Variants in APBA3 observed in about 807,000 individuals in gnomAD.
The protein encoded by APBA3 is amyloid beta precursor protein binding family A member 3.
In APBA3, 45 loss-of-function variants were observed where a neutral mutation model predicts 55.9. The observed-to-expected ratio is 0.80, with a 90% confidence interval of 0.63 to 1.03. The LOEUF (loss-of-function observed/expected upper bound fraction) is 1.03, where lower values mean the gene tolerates loss of function less well. APBA3 is among the 50% of genes least tolerant of loss of function. The pLI is 0.00. For missense variants in APBA3, 865 were observed against 820.3 expected (o/e 1.05, Z -0.67); for synonymous variants, 370 against 353.3 (o/e 1.05, Z -0.53).
chr19:3,759,084 C>T (rs946745099), intron 3 of APBA3, among the ~76,000 whole-genome samples: 1 of 151,992 alleles, frequency 6.6e-6, no homozygotes, highest in East Asian at 1.9e-4. Flanking sequence ...ATAAAATTAG[C>T]TGGGCGTGGT....
intron 3 of APBA3, 69 bp from the exon 4 acceptor site, chr19:3,754,409 C>T: frequency 6.6e-7 from 1 of 1,507,010 alleles, no homozygotes; most frequent in South Asian, 1.3e-5. Flanking sequence ...CAGGGCTACG[C>T]TCTCCGAGAT....
intron 6 of APBA3, chr19:3,753,313 C>G: frequency 2.2e-6 from 1 of 444,450 alleles, no homozygotes. Context: ...AGCCCAGGAG[C>G]GGGCAAGGTT....
chr19:3,753,954 G>T (rs1283536673), intron 5 of APBA3, 28 bp from the exon 6 acceptor site: 11 of 1,560,914 alleles, frequency 7.0e-6, no homozygotes, highest in African/African-American at 1.4e-5. Flanking sequence ...GCCTGGGTGG[G>T]TTGGGGGGCC....
chr19:3,751,173 C>G lies in APBA3; in HGVS notation c.1656+16G>C. On this transcript the variant is annotated intron_variant, in intron 10 of 10. Coordinates refer to ENST00000316757, the MANE Select transcript of APBA3 (RefSeq NM_004886.4). The stretch of plus-strand genomic sequence containing the variant: ...GACGTGGGGGCGCCCCTGGCCACCA[C>G]CCACCACCCGCACACCTCGCCATAG... The G allele has an allele frequency of 6.4e-7, 1 of 1,553,228 alleles. No homozygotes were observed.
In APBA3 at chr19:3,750,968, G is replaced by A; in HGVS notation, c.*58C>T. 1.3e-6 allele frequency: 2 copies of A among 1,526,184 alleles called. No individual in the cohort carries two copies. The highest frequency in any genetic ancestry group is 8.9e-7 in the Non-Finnish European group (1 of 1,123,834). The allele number at this position is 1,526,184 out of a possible 1,614,324, so 94.5% of individuals were successfully genotyped here. A position where few individuals can be genotyped will look rare whatever the true frequency, so the allele number is the denominator to read the frequency against. On this transcript the variant is annotated 3_prime_UTR_variant, in exon 11 of 11. Transcript: ENST00000316757. The stretch of plus-strand genomic sequence containing the variant: ...GTCCTGGCCAGCCAGGGCAGGCCCA[G>A]GATGGGGCTCCGGGGCCATGGAGGC...
chr19:3,752,571 C>A lies in APBA3; in HGVS notation c.1332G>T (p.Leu444=). The A allele has an allele frequency of 6.3e-7, 1 of 1,588,470 alleles. No individual in the cohort carries two copies. The highest frequency in any genetic ancestry group is 8.5e-7 in the Non-Finnish European group (1 of 1,172,322). Residue 444 remains leucine, a synonymous_variant, in exon 8 of 11, where the codon CTG becomes CTT. Coordinates refer to ENST00000316757, the MANE Select transcript of APBA3 (RefSeq NM_004886.4). The part of the protein sequence containing the change: ...RSGALSIGDR[L]TAINGTSLVG... ...CCAGGCTGGTCCCGTTGATGGCGGT[C>A]AGGCGGTCCCCGATGCTGAGGGCCC...
rs201261237 is a variant in APBA3 at position 3,750,983 on chromosome 19, G to A, written c.*43C>T. 108 of 1,543,984 alleles carry A rather than the reference G, an allele frequency of 7.0e-5. No individual in the cohort carries two copies. The East Asian group carries it at 2.5e-3, about 36-fold the overall frequency. On this transcript the variant is annotated 3_prime_UTR_variant, in exon 11 of 11. Coordinates refer to ENST00000316757, the MANE Select transcript of APBA3 (RefSeq NM_004886.4). ...GGCAGGCCCAGGATGGGGCTCCGGG[G>A]CCATGGAGGCGAAGGCACAGTGGCA...
chr19:3,751,106 T>C lies in APBA3; in HGVS notation c.1657-9A>G, dbSNP rs779924005. The C allele has an allele frequency of 6.4e-7, 1 of 1,565,268 alleles. No homozygotes were observed. The highest frequency in any genetic ancestry group is 8.7e-7 in the Non-Finnish European group (1 of 1,154,906). On this transcript the variant is annotated splice_polypyrimidine_tract_variant and intron_variant, in intron 10 of 10. Coordinates refer to ENST00000316757, the MANE Select transcript of APBA3 (RefSeq NM_004886.4). ...ATCGTCTTGATATGCACCTGGGGAG[T>C]GGAGGCGGAACGGGGCTCAGGGCAG...
Position 3,759,781 on chromosome 19 carries a change from G to A in APBA3, c.484C>T (p.Gln162Ter), listed in dbSNP as rs1286581167. The stretch of plus-strand genomic sequence containing the variant: ...CTGCTTGAGCTCCTGCTGCCCTCCT[G>A]CTCAGCAGAGGCCCCCTCCACCCAT... Reference protein sequence around the residue: ...PEWVEGASAEQEGSRSSSSSP... With the variant: ...PEWVEGASAE The change falls in exon 2 of 11, where the codon CAG (glutamine) becomes TAG (stop). Residue 162 changes from glutamine to a stop codon, truncating the protein, a stop_gained. Transcript: ENST00000316757. LOFTEE classifies it high-confidence loss of function. The A allele has an allele frequency of 6.2e-7, 1 of 1,612,620 alleles. No individual in the cohort carries two copies. The highest frequency in any genetic ancestry group is 2.2e-5 in the East Asian group (1 of 44,890).
rs1346014760 is a variant in APBA3, at chr19:3,759,866, C to G, written c.399G>C (p.Glu133Asp). 8 of 1,612,420 alleles carry G rather than the reference C, an allele frequency of 5.0e-6. No individual in the cohort carries two copies. The highest frequency in any genetic ancestry group is 5.9e-6 in the Non-Finnish European group (7 of 1,179,834). Residue 133 changes from glutamate (E) to aspartate (D), a missense_variant, in exon 2 of 11, where the codon GAG (glutamate) becomes GAC (aspartate). Physicochemically the swap from Glu to Asp is conservative, Grantham distance 45. Coordinates refer to ENST00000316757, the MANE Select transcript of APBA3 (RefSeq NM_004886.4). Reference sequence around the variant, plus strand: ...GGGGCTGCAACAGTCGGGGGGCAGGCTCTAGAGGCTCTTCAGGACCAGTCT... The same window carrying G: ...GGGGCTGCAACAGTCGGGGGGCAGGGTCTAGAGGCTCTTCAGGACCAGTCT... ...PSQTGPEEPL[E>D]PAPRLLQPPE...
chr19:3,759,435 C>T (rs2037116534), intron 3 of APBA3, 126 bp downstream of exon 3: 9 of 989,294 alleles, frequency 9.1e-6, no homozygotes, highest in African/African-American at 4.9e-5. Context: ...GGAATCTGCT[C>T]GAAACCACCC....
chr19:3,751,428 C>A lies in APBA3; in HGVS notation c.1515+6G>T, dbSNP rs1244453194. ...CCCACCCCGGGGCCAGGGGCCGGGGCCTCACGATGCCGTCCTCCACGCAGA... is the reference window on the plus strand; with the variant it reads ...CCCACCCCGGGGCCAGGGGCCGGGGACTCACGATGCCGTCCTCCACGCAGA... On this transcript the variant is annotated splice_donor_region_variant and intron_variant, in intron 9 of 10. Coordinates refer to ENST00000316757, the MANE Select transcript of APBA3 (RefSeq NM_004886.4). The A allele has an allele frequency of 2.6e-6, 4 of 1,527,328 alleles. No homozygotes were observed. Among genetic ancestry groups the A allele is most frequent in the Non-Finnish European group, 2.6e-6 (3 of 1,141,552 alleles). 94.6% of individuals were successfully genotyped at this position (1,527,328 alleles called of 1,614,324 possible).
chr19:3,751,534 G>A lies in APBA3; in HGVS notation c.1415C>T (p.Ser472Leu), dbSNP rs1019296459. 21 of 1,589,832 alleles carry A rather than the reference G, an allele frequency of 1.3e-5. No individual in the cohort carries two copies. The highest frequency in any genetic ancestry group is 4.6e-5 in the East Asian group (2 of 43,838). ...GCAGTGGACGATGCTGAGTGTCACC[G>A]ACGTCTGCGACTTCGTCTCCTGTGG... ...AAVRETKSQT[S>L]VTLSIVHCPP... is the part of the protein sequence containing the mutation. The change falls in exon 9 of 11, where the codon TCG becomes TTG. Residue 472 changes from serine (S) to leucine (L), a missense_variant. By Grantham distance (145) the Ser-to-Leu change is moderately radical. Coordinates refer to ENST00000316757, the MANE Select transcript of APBA3 (RefSeq NM_004886.4).
At position 3,760,064 on chromosome 19, in the gene APBA3, C is replaced by T; in HGVS notation, c.201G>A (p.Leu67=). Residue 67 remains leucine (L), a synonymous_variant, in exon 2 of 11, where the codon CTG becomes CTA. Coordinates refer to ENST00000316757, the MANE Select transcript of APBA3 (RefSeq NM_004886.4). The part of the protein sequence containing the change: ...LQELVQQFEA[L]PGDLVGPSPG... The stretch of plus-strand genomic sequence containing the variant: ...GGGATGGGCCCACCAGATCGCCTGG[C>T]AGAGCTTCAAACTGCTGCACCAGCT... 2 of 1,613,328 alleles carry T rather than the reference C, an allele frequency of 1.2e-6. No homozygotes were observed. The highest frequency in any genetic ancestry group is 1.7e-6 in the Non-Finnish European group (2 of 1,180,020).
At chr19:3,759,438 A>C in intron 3 of APBA3, 123 bp downstream of exon 3, 1 of 1,013,682 alleles carries the variant, frequency 9.9e-7, no homozygotes. Context: ...ATCTGCTCGA[A>C]ACCACCCTCA....
At position 3,751,038 on chromosome 19, in the gene APBA3, G is replaced by A. The variant is rs748398582; in HGVS notation, c.1716C>T (p.Pro572=). Residue 572 remains proline, a synonymous_variant, in exon 11 of 11, where the codon CCC becomes CCT. Coordinates refer to ENST00000316757, the MANE Select transcript of APBA3 (RefSeq NM_004886.4). ...TYRLLTGQEQ[P]VYL is the part of the protein sequence containing the mutation. ...AGGGATGAGGTGGTCACAGGTACAC[G>A]GGCTGCTCCTGGCCTGTAAGGAGGC... is the stretch of plus-strand genomic sequence containing the variant. 2.6e-5 allele frequency: 41 copies of A among 1,561,102 alleles called. No individual in the cohort carries two copies. Among genetic ancestry groups the A allele is most frequent in the South Asian group, 2.0e-4 (17 of 84,742 alleles).
chr19:3,758,148 C>G (rs562011865), intron 3 of APBA3, among the ~76,000 whole-genome samples: 1 of 152,132 alleles, frequency 6.6e-6, no homozygotes, highest in African/African-American at 2.4e-5. Flanking sequence ...GTTGGCCAGG[C>G]TGGTCTCGAA....
At chr19:3,753,642 T>C (rs1001301924) in intron 6 of APBA3, 123 bp downstream of exon 6, 8 of 1,033,686 alleles carry the variant, frequency 7.7e-6, no homozygotes, top group Non-Finnish European at 1.1e-5. Context: ...GGAGACCTTG[T>C]CCCAAAAAAA....
intron 8 of APBA3, chr19:3,751,819 A>T (rs1023538937): frequency 4.0e-6 from 2 of 503,046 alleles, no homozygotes; most frequent in Non-Finnish European, 7.0e-6. Flanking sequence ...AAACATCTGT[A>T]AGAGGCTGCA....
Sources: allele counts gnomAD v4.1 joint callset (sites outside exome capture counted in the v4.1 genomes callset), GRCh38; gene constraint gnomAD v4.1.1; transcripts MANE v1.5; gene names NCBI Gene and HGNC (gene_info 2026-07-23, HGNC 2026-07-21).